The following DLG1 variants were observed in gnomAD, a reference collection of about 807,000 sequenced individuals.
DLG1 encodes disks large homolog 1.
Under a neutral mutation model 123.4 loss-of-function variants are expected in DLG1, and 42 were observed. That is an observed-to-expected ratio of 0.34 (90% CI 0.27 to 0.44). The LOEUF (loss-of-function observed/expected upper bound fraction) is 0.44. Among genes scored for constraint, DLG1 ranks in the 20% least tolerant of loss-of-function variants. The probability of loss-of-function intolerance (pLI) is 1.00; values close to 1 mark genes in which losing one functional copy is unlikely to be tolerated. For missense variants in DLG1, 942 were observed against 1,082.6 expected (o/e 0.87, Z 1.82); for synonymous variants, 317 against 356.2 (o/e 0.89, Z 1.24).
chr3:197,167,594 ATACAT>A (rs1464199974), intron 5 of DLG1, among the ~76,000 whole-genome samples: 3 of 152,240 alleles, frequency 2.0e-5, no homozygotes, highest in Non-Finnish European at 4.4e-5. Flanking sequence ...AAATTGAGTG[ATACAT>A]TACAAAGTAA....
intron 18 of DLG1, among the ~76,000 whole-genome samples, chr3:197,073,545 T>G (rs144784629): frequency 0.017 from 2,617 of 152,316 alleles, 22 homozygotes; most frequent in Middle Eastern, 0.062. Context: ...ATGACTTAGC[T>G]GCATTCTCCC....
intron 14 of DLG1, among the ~76,000 whole-genome samples, chr3:197,101,327 C>A (rs1325701538): frequency 6.6e-6 from 1 of 152,090 alleles, no homozygotes; most frequent in Non-Finnish European, 1.5e-5. Flanking sequence ...AGTGAATAAA[C>A]ATAACATGGT....
intron 4 of DLG1, among the ~76,000 whole-genome samples, chr3:197,231,461 G>A (rs1466201219): frequency 2.0e-5 from 3 of 152,040 alleles, no homozygotes. Flanking sequence ...CAACACTTTG[G>A]GAGGCCGAGC....
chr3:197,148,370 C>T (rs969375711), intron 6 of DLG1, among the ~76,000 whole-genome samples: 9 of 129,550 alleles, frequency 6.9e-5, no homozygotes, highest in African/African-American at 2.7e-4. Context: ...GAGATTGTGC[C>T]AATGCACTCC....
At chr3:197,122,703 C>T (rs1164108447) in intron 11 of DLG1, among the ~76,000 whole-genome samples, 1 of 151,878 alleles carries the variant, frequency 6.6e-6, no homozygotes, top group African/African-American at 2.4e-5. Context: ...CATCAAATAG[C>T]CAGGACTAAA....
intron 4 of DLG1, among the ~76,000 whole-genome samples, chr3:197,223,238 CCA>C (rs1738084842): frequency 6.6e-6 from 1 of 152,202 alleles, no homozygotes; most frequent in Non-Finnish European, 1.5e-5. Context: ...AGGCTTCTTT[CCA>C]CAGAGACTGA....
intron 13 of DLG1, among the ~76,000 whole-genome samples, chr3:197,105,386 A>G (rs1221736073): frequency 6.6e-6 from 1 of 152,180 alleles, no homozygotes; most frequent in Non-Finnish European, 1.5e-5. Flanking sequence ...TGCTTGTAGC[A>G]TCCATTTACC....
At position 197,065,763 on chromosome 3, in the gene DLG1, C is replaced by A. The variant is rs1377150302; in HGVS notation, c.2145G>T (p.Arg715Ser). Residue 715 changes from arginine to serine, a missense_variant, in exon 21 of 25, where the codon AGG (arginine) becomes AGT (serine). Coordinates refer to ENST00000667157, the MANE Select transcript of DLG1 (RefSeq NM_001366207.1). ...PVIILGPMKD[R>S]INDDLISEFP... is the part of the protein sequence containing the mutation. ...ATTCTGAGATCAAGTCATCATTTAT[C>A]CTGTCTTTCATAGGTCCCAATATGA... The A allele has an allele frequency of 6.2e-7, 1 of 1,612,488 alleles. No individual in the cohort carries two copies. Among genetic ancestry groups the A allele is most frequent in the Non-Finnish European group, 8.5e-7 (1 of 1,179,074 alleles).
intron 4 of DLG1, among the ~76,000 whole-genome samples, chr3:197,281,601 GA>G (rs1326411168): frequency 6.6e-6 from 1 of 151,910 alleles, no homozygotes; most frequent in African/African-American, 2.4e-5. Flanking sequence ...AAAAGTGATG[GA>G]AAAAAAGTGT....
intron 18 of DLG1, chr3:197,070,863 C>T (rs1553886694): frequency 6.6e-6 from 1 of 151,994 alleles, no homozygotes; most frequent in Non-Finnish European, 1.5e-5. Flanking sequence ...TGAGCCACCG[C>T]ACCTGGCCAA....
chr3:197,113,524 T>C (rs1412785097), intron 13 of DLG1, among the ~76,000 whole-genome samples: 5 of 152,186 alleles, frequency 3.3e-5, no homozygotes, highest in Non-Finnish European at 5.9e-5. Flanking sequence ...TATAATAACA[T>C]TATTTGTCTT....
chr3:197,159,853 A>G (rs1798077962), intron 5 of DLG1, among the ~76,000 whole-genome samples: 1 of 152,200 alleles, frequency 6.6e-6, no homozygotes, highest in Non-Finnish European at 1.5e-5. Flanking sequence ...TGTATCCTCA[A>G]TAAATATCCT....
chr3:197,134,595 C>T (rs1340554928), intron 10 of DLG1, among the ~76,000 whole-genome samples: 1 of 151,858 alleles, frequency 6.6e-6, no homozygotes, highest in Non-Finnish European at 1.5e-5. Flanking sequence ...TCAGATTCTG[C>T]TAGGCCTTGG....
upstream of DLG1, chr3:197,299,030 C>G (rs1229954003): frequency 1.3e-5 from 2 of 152,832 alleles, no homozygotes; most frequent in African/African-American, 4.8e-5. Context: ...TCTGACGGTC[C>G]CTTTAAGAAC....
rs943560948 is a variant in DLG1, at chr3:197,174,396, A to G, written c.483+20029T>C. Among the ~76,000 whole-genome samples, 7 of 152,196 alleles carry G rather than the reference A, an allele frequency of 4.6e-5. No homozygotes were observed. The South Asian group carries it at 1.2e-3, about 27-fold the overall frequency. On this transcript the variant is annotated intron_variant, in intron 5 of 24. Transcript: ENST00000667157. Reference sequence around the variant, plus strand: ...CATATGGAAATTTCAAGTTTCACCTACAGTTCTTTAAAATATCTTTAATTA... The same window carrying G: ...CATATGGAAATTTCAAGTTTCACCTGCAGTTCTTTAAAATATCTTTAATTA...
intron 4 of DLG1, among the ~76,000 whole-genome samples, chr3:197,231,707 AAAACAACAAAAAAC>A (rs1443272286): frequency 1.2e-5 from 1 of 80,338 alleles, no homozygotes; most frequent in Non-Finnish European, 3.3e-5. Flanking sequence ...TAAAAAAAAA[AAAACAACAAAAAAC>A]AAAACAACAA....
chr3:197,167,338 G>A (rs1801949198), intron 5 of DLG1, among the ~76,000 whole-genome samples: 1 of 152,150 alleles, frequency 6.6e-6, no homozygotes, highest in Admixed American at 6.6e-5. Context: ...GTTGCCAAGT[G>A]AAACGTCCAT....
At chr3:197,172,380 C>A (rs558600290) in intron 5 of DLG1, among the ~76,000 whole-genome samples, 110 of 151,932 alleles carry the variant, frequency 7.2e-4, no homozygotes, top group African/African-American at 2.6e-3. Flanking sequence ...TAATTATATA[C>A]AAAAATAAAT....
At chr3:197,173,560 G>C (rs1279886458) in intron 5 of DLG1, among the ~76,000 whole-genome samples, 1 of 152,004 alleles carries the variant, frequency 6.6e-6, no homozygotes, top group African/African-American at 2.4e-5. Flanking sequence ...CTTTAAAATA[G>C]TTCAAAAAGA....
Sources: allele counts gnomAD v4.1 joint callset (sites outside exome capture counted in the v4.1 genomes callset), GRCh38; gene constraint gnomAD v4.1.1; transcripts MANE v1.5; gene names NCBI Gene and HGNC (gene_info 2026-07-23, HGNC 2026-07-21).